RAP1GAP2: variants seen among roughly 807,000 people sequenced by gnomAD.
The protein encoded by RAP1GAP2 is RAP1 GTPase activating protein 2, also known as rap1 GTPase-activating protein 2.
RAP1GAP2 carries 27 observed loss-of-function variants against 95.0 expected under a neutral mutation model. That is an observed-to-expected ratio of 0.28 (90% CI 0.21 to 0.39). The LOEUF (loss-of-function observed/expected upper bound fraction) is 0.39, where lower values mean the gene tolerates loss of function less well. Among genes scored for constraint, RAP1GAP2 ranks in the 10% least tolerant of loss-of-function variants. RAP1GAP2 has a pLI of 1.00. For synonymous variants in RAP1GAP2, 373 were observed against 380.9 expected, an observed-to-expected ratio of 0.98 and a Z score of 0.24; for missense variants, 771 against 970.0, an observed-to-expected ratio of 0.79 and a Z score of 2.72.
intron 21 of RAP1GAP2, 27 bp downstream of exon 21, chr17:3,026,491 C>T (rs1164280780): frequency 6.6e-7 from 1 of 1,508,524 alleles, no homozygotes. Flanking sequence ...CACCCTTGGG[C>T]AGGCACTCTG....
chr17:2,928,639 A>C (rs2043043068), intron 3 of RAP1GAP2, among the ~76,000 whole-genome samples: 1 of 152,168 alleles, frequency 6.6e-6, no homozygotes, highest in East Asian at 1.9e-4. Context: ...CGGCAGGGCG[A>C]GTAAACAGGC....
Position 3,030,956 on chromosome 17 carries a change from G to A in RAP1GAP2, c.2142G>A (p.Leu714=). The A allele has an allele frequency of 1.2e-6, 2 of 1,611,418 alleles. No individual in the cohort carries two copies. The highest frequency in any genetic ancestry group is 1.7e-6 in the Non-Finnish European group (2 of 1,178,946). Residue 714 remains leucine, a synonymous_variant, in exon 23 of 25, where the codon CTG becomes CTA. Transcript: ENST00000254695. ...GCAGAAACTCCCCGAGATCGAACCT[G>A]AAATTCCGCTTTGACAAGCTCAGCC... The part of the protein sequence containing the change: ...AKSRNSPRSN[L]KFRFDKLSHA...
intron 11 of RAP1GAP2, among the ~76,000 whole-genome samples, chr17:2,991,016 T>C (rs962768609): frequency 2.0e-5 from 3 of 152,088 alleles, no homozygotes; most frequent in African/African-American, 7.2e-5. Flanking sequence ...AGTTACTTTT[T>C]GTATTTTTAG....
At chr17:2,928,860 A>G (rs898670194) in intron 3 of RAP1GAP2, among the ~76,000 whole-genome samples, 6 of 152,004 alleles carry the variant, frequency 3.9e-5, no homozygotes, top group Non-Finnish European at 7.4e-5. Context: ...CCTCATGCAG[A>G]CTATCATCCT....
At chr17:2,999,291 C>T (rs1243853592) in intron 14 of RAP1GAP2, among the ~76,000 whole-genome samples, 2 of 152,284 alleles carry the variant, frequency 1.3e-5, no homozygotes, top group South Asian at 2.1e-4. Context: ...CTGTGGCGGG[C>T]ATGGGACTCA....
intron 3 of RAP1GAP2, among the ~76,000 whole-genome samples, chr17:2,931,554 G>A (rs1320636125): frequency 6.6e-6 from 1 of 152,184 alleles, no homozygotes; most frequent in Admixed American, 6.5e-5. Flanking sequence ...AAAGGGGGTG[G>A]GGCAATCGTG....
intron 2 of RAP1GAP2, among the ~76,000 whole-genome samples, chr17:2,850,973 T>C (rs1309043278): frequency 6.7e-6 from 1 of 150,300 alleles, no homozygotes; most frequent in Non-Finnish European, 1.5e-5. Context: ...GCCAGGAGAA[T>C]CGCTTGAACC....
chr17:2,773,731 A>G (rs904131314), upstream of RAP1GAP2, among the ~76,000 whole-genome samples: 14 of 57,088 alleles, frequency 2.5e-4, no homozygotes, highest in Non-Finnish European at 1.7e-4. Context: ...GACACTATTT[A>G]TTTATTTATT....
At chr17:2,958,965 C>T (rs751085606) in intron 4 of RAP1GAP2, among the ~76,000 whole-genome samples, 3 of 151,982 alleles carry the variant, frequency 2.0e-5, no homozygotes, top group Non-Finnish European at 2.9e-5. Flanking sequence ...TCATCTTCTA[C>T]GCATTTAGGG....
Position 2,855,210 on chromosome 17 carries a change from C to T in RAP1GAP2, c.81-50074C>T, listed in dbSNP as rs577278007. Among the ~76,000 whole-genome samples the T allele has an allele frequency of 7.2e-5, 11 of 152,194 alleles. No homozygotes were observed. The highest frequency in any genetic ancestry group is 2.2e-4 in the African/African-American group (9 of 41,508). The stretch of plus-strand genomic sequence containing the variant: ...ATAATGTGTGTAACAAGATGTTGCC[C>T]GCTGCACAGAATGAATTTCCCGTGA... On this transcript the variant is annotated intron_variant, in intron 2 of 24. Transcript: ENST00000254695. This position sits in a 1 kb window ranked among gnomAD's most constrained non-coding sequence, Gnocchi z 4.3.
chr17:3,012,319 A>G lies in RAP1GAP2; in HGVS notation c.1494+4174A>G, dbSNP rs191276573. The stretch of plus-strand genomic sequence containing the variant: ...ATCTAAAAAAAAAAACCTTCCAATT[A>G]TAAAGACTGAACGTTTGGCTGGGCG... On this transcript the variant is annotated intron_variant, in intron 17 of 24. Coordinates refer to ENST00000254695, the MANE Select transcript of RAP1GAP2 (RefSeq NM_015085.5). Among the ~76,000 whole-genome samples, 4 of 152,108 alleles carry G rather than the reference A, an allele frequency of 2.6e-5. No homozygotes were observed. The East Asian group carries it at 5.8e-4, about 22-fold the overall frequency.
chr17:2,763,908 C>T (rs75501820), intron 1 of RAP1GAP2, among the ~76,000 whole-genome samples: 4,540 of 151,876 alleles, frequency 0.03, 117 homozygotes, highest in East Asian at 0.11. Flanking sequence ...TTCTTTCAGC[C>T]TGGGGACCTG....
chr17:2,781,229 C>A (rs1037017874), intron 1 of RAP1GAP2, among the ~76,000 whole-genome samples: 1 of 152,186 alleles, frequency 6.6e-6, no homozygotes, highest in African/African-American at 2.4e-5. Flanking sequence ...CTGCTGGCTG[C>A]GCTCTGCCAG....
chr17:2,978,528 C>T (rs2045220570), intron 8 of RAP1GAP2, among the ~76,000 whole-genome samples: 4 of 152,172 alleles, frequency 2.6e-5, no homozygotes, highest in Admixed American at 2.6e-4. Flanking sequence ...AAATTGAAAA[C>T]TTATGAATTA....
At chr17:2,939,116 A>C (rs2043396741) in intron 3 of RAP1GAP2, among the ~76,000 whole-genome samples, 2 of 152,024 alleles carry the variant, frequency 1.3e-5, no homozygotes, top group South Asian at 4.1e-4. Flanking sequence ...TTTGAGACAG[A>C]GTCCTGCTGT....
At chr17:2,951,204 TC>T (rs1293622164) in intron 3 of RAP1GAP2, among the ~76,000 whole-genome samples, 1 of 152,240 alleles carries the variant, frequency 6.6e-6, no homozygotes, top group African/African-American at 2.4e-5. Flanking sequence ...GCCGGGCTGA[TC>T]CACTAACGCT....
In RAP1GAP2 at chr17:2,903,689, G is replaced by A. The variant is rs2042099017; in HGVS notation, c.81-1595G>A. ...ATTGCCAGGTTCAGGTTAATGGGGT[G>A]GAATGGATTCTCTGCCAAGCCAGGT... On this transcript the variant is annotated intron_variant, in intron 2 of 24. Coordinates refer to ENST00000254695, the MANE Select transcript of RAP1GAP2 (RefSeq NM_015085.5). The surrounding 1 kb of genome is among the most constrained non-coding windows in gnomAD (Gnocchi z 4.1). Among the ~76,000 whole-genome samples, 1 of 152,212 alleles carries A rather than the reference G, an allele frequency of 6.6e-6. No individual in the cohort carries two copies. The highest frequency in any genetic ancestry group is 2.1e-4 in the South Asian group (1 of 4,836).
chr17:2,759,557 TC>T, intron 1 of RAP1GAP2, among the ~76,000 whole-genome samples: 1 of 152,146 alleles, frequency 6.6e-6, no homozygotes, highest in African/African-American at 2.4e-5. Context: ...TTCAAGCAAT[TC>T]TCCTGCCTCA....
intron 2 of RAP1GAP2, chr17:2,854,123 C>T: frequency 2.0e-6 from 2 of 985,444 alleles, no homozygotes; most frequent in African/African-American, 3.5e-5. Context: ...GCAGCGCCGG[C>T]CGCTTCCCTC....
Sources: allele counts gnomAD v4.1 joint callset (sites outside exome capture counted in the v4.1 genomes callset), GRCh38; gene constraint gnomAD v4.1.1; non-coding constraint Gnocchi (gnomAD v3.1); transcripts MANE v1.5; gene names NCBI Gene and HGNC (gene_info 2026-07-23, HGNC 2026-07-21).